The following HDAC4 variants were observed in gnomAD, a reference collection of about 807,000 sequenced individuals.
HDAC4 encodes histone deacetylase A.
A neutral mutation model predicts 135.1 loss-of-function variants in HDAC4; 16 were observed. The observed-to-expected ratio is 0.12, with a 90% CI of 0.08 to 0.18. The LOEUF (loss-of-function observed/expected upper bound fraction) is 0.18. HDAC4 is among the 10% of genes least tolerant of loss of function. HDAC4 has a pLI of 1.00. For missense variants in HDAC4, 1,143 were observed against 1,511.8 expected, an observed-to-expected ratio of 0.76 and a Z score of 4.05; for synonymous variants, 685 against 653.4, an observed-to-expected ratio of 1.05 and a Z score of -0.74.
chr2:239,225,454 A>G (rs1193519234), intron 3 of HDAC4, among the ~76,000 whole-genome samples: 5 of 152,282 alleles, frequency 3.3e-5, no homozygotes, highest in African/African-American at 9.6e-5. Context: ...ACGAAGGCAG[A>G]AGTCGGTCTG....
intron 1 of HDAC4, among the ~76,000 whole-genome samples, chr2:239,391,499 G>A (rs1191673750): frequency 6.6e-6 from 1 of 152,160 alleles, no homozygotes; most frequent in African/African-American, 2.4e-5. Flanking sequence ...CCCAAGACCT[G>A]CCAGCAGAGA....
intron 2 of HDAC4, among the ~76,000 whole-genome samples, chr2:239,261,849 C>G (rs2125102667): frequency 6.6e-6 from 1 of 152,288 alleles, no homozygotes; most frequent in South Asian, 2.1e-4. Flanking sequence ...GCAGGGACAC[C>G]CCCCACCCGG....
At chr2:239,259,075 T>C (rs2049203105) in intron 2 of HDAC4, among the ~76,000 whole-genome samples, 1 of 152,248 alleles carries the variant, frequency 6.6e-6, no homozygotes, top group African/African-American at 2.4e-5. Context: ...TTCCTGACTT[T>C]GACAGCGTAT....
rs987333923 is a variant in HDAC4, at chr2:239,051,920, G to A, written c.*1177C>T. 1 of 151,208 alleles carries A rather than the reference G, an allele frequency of 6.6e-6. No homozygotes were observed. The highest frequency in any genetic ancestry group is 6.6e-5 in the Admixed American group (1 of 15,166). 9.4% of individuals were successfully genotyped at this position (151,208 alleles called of 1,614,324 possible). On this transcript the variant is annotated 3_prime_UTR_variant, in exon 27 of 27. Transcript: ENST00000543185. The stretch of plus-strand genomic sequence containing the variant: ...TCAAGATTTCATAAGAATCAAGTAA[G>A]TTTCTTAGCTTGGAATACATTGGAA...
chr2:239,292,514 C>G (rs2051585388), intron 2 of HDAC4, among the ~76,000 whole-genome samples: 1 of 152,178 alleles, frequency 6.6e-6, no homozygotes, highest in African/African-American at 2.4e-5. Context: ...GAAACCAGTA[C>G]CCCTGTGGGC....
At chr2:239,253,325 G>A (rs1431320782) in intron 2 of HDAC4, among the ~76,000 whole-genome samples, 3 of 152,172 alleles carry the variant, frequency 2.0e-5, no homozygotes, top group Non-Finnish European at 4.4e-5. Flanking sequence ...TGGGCATGAA[G>A]GCAATCTTGA....
intron 2 of HDAC4, 66 bp from the exon 3 acceptor site, chr2:239,236,730 GGAGT>G: frequency 1.7e-6 from 2 of 1,193,834 alleles, no homozygotes; most frequent in Non-Finnish European, 2.4e-6. Flanking sequence ...CTTTATGCTG[GGAGT>G]CTGCAGGGAG....
intron 2 of HDAC4, among the ~76,000 whole-genome samples, chr2:239,276,466 C>T (rs1203587078): frequency 6.6e-6 from 1 of 152,208 alleles, no homozygotes; most frequent in Non-Finnish European, 1.5e-5. Context: ...GCAGCCCTGA[C>T]GGACCTCCCA....
intron 1 of HDAC4, among the ~76,000 whole-genome samples, chr2:239,381,238 C>T (rs1218677272): frequency 1.3e-5 from 2 of 152,344 alleles, no homozygotes; most frequent in East Asian, 1.9e-4. Flanking sequence ...CTCAGTGCTT[C>T]GTTTTAGCAT....
At chr2:239,113,507 T>C (rs2038865215) in intron 13 of HDAC4, among the ~76,000 whole-genome samples, 1 of 152,218 alleles carries the variant, frequency 6.6e-6, no homozygotes, top group Non-Finnish European at 1.5e-5. Flanking sequence ...ACTACGACGT[T>C]TCCCTGATAA....
At chr2:239,125,193 T>TGGGACCTGGCAGGAGGC (rs1159645455) in intron 12 of HDAC4, among the ~76,000 whole-genome samples, 2 of 151,934 alleles carry the variant, frequency 1.3e-5, no homozygotes, top group Non-Finnish European at 2.9e-5. Context: ...TGGCAGGAGG[T>TGGGACCTGGCAGGAGGC]GGCTGGATCA....
At chr2:239,105,278 T>G (rs2038020361) in intron 15 of HDAC4, among the ~76,000 whole-genome samples, 2 of 152,174 alleles carry the variant, frequency 1.3e-5, no homozygotes, top group Non-Finnish European at 2.9e-5. Context: ...GCCCACCCAC[T>G]TCTCCTCTCC....
intron 3 of HDAC4, among the ~76,000 whole-genome samples, chr2:239,198,308 C>A (rs895330477): frequency 6.6e-6 from 1 of 152,196 alleles, no homozygotes; most frequent in African/African-American, 2.4e-5. Context: ...CAATGCCAGG[C>A]TTCATGGAGG....
chr2:239,123,706 G>A (rs1014292824), intron 12 of HDAC4, among the ~76,000 whole-genome samples: 2 of 152,204 alleles, frequency 1.3e-5, no homozygotes, highest in Admixed American at 1.3e-4. Context: ...GAACTGTGGG[G>A]CTTGAGAGAA....
chr2:239,144,782 T>C lies in HDAC4; in HGVS notation c.734-68A>G, dbSNP rs551136539. 19 of 1,567,426 alleles carry C rather than the reference T, an allele frequency of 1.2e-5. No individual in the cohort carries two copies. The African/African-American group carries it at 2.3e-4, about 19-fold the overall frequency. On this transcript the variant is annotated intron_variant, in intron 7 of 26. Transcript: ENST00000543185. Reference sequence around the variant, plus strand: ...TGGCTCAAGGTTATCCTGTTGGTGGTTTTTTAAAAATACGCACTCTGGTGA... The same window carrying C: ...TGGCTCAAGGTTATCCTGTTGGTGGCTTTTTAAAAATACGCACTCTGGTGA...
At chr2:239,144,836 G>T in intron 7 of HDAC4, 122 bp from the exon 8 acceptor site, 1 of 972,348 alleles carries the variant, frequency 1.0e-6, no homozygotes, top group Non-Finnish European at 1.6e-6. Context: ...CTGCTGTGTT[G>T]CTGCAGGGGA....
intron 7 of HDAC4, among the ~76,000 whole-genome samples, chr2:239,156,154 C>G (rs1018834744): frequency 6.6e-6 from 1 of 152,218 alleles, no homozygotes; most frequent in Admixed American, 6.5e-5. Context: ...TAACTCTGAG[C>G]CCAGCTGGGA....
At chr2:239,236,234 C>G (rs1359705525) in intron 3 of HDAC4, among the ~76,000 whole-genome samples, 1 of 152,198 alleles carries the variant, frequency 6.6e-6, no homozygotes, top group Non-Finnish European at 1.5e-5. Context: ...CAGTGGGACC[C>G]AGCCCCGCCC....
At chr2:239,326,555 C>G (rs1431771235) in intron 2 of HDAC4, among the ~76,000 whole-genome samples, 1 of 152,022 alleles carries the variant, frequency 6.6e-6, no homozygotes, top group African/African-American at 2.4e-5. Context: ...GCATGATGAA[C>G]AAAGAAATTA....
Sources: gnomAD v4.1 joint callset for allele counts (sites outside exome capture counted in the v4.1 genomes callset) on GRCh38, gnomAD v4.1.1 for gene constraint, MANE v1.5 for transcripts, NCBI Gene and HGNC (gene_info 2026-07-23, HGNC 2026-07-21) for gene names.